Variants in SHROOM4 observed in about 807,000 individuals in gnomAD.
The protein encoded by SHROOM4 is shroom family member 4.
In SHROOM4, 17 loss-of-function variants were observed where a neutral mutation model predicts 80.3. The observed-to-expected ratio is 0.21, with a 90% CI of 0.14 to 0.32. SHROOM4 has a LOEUF of 0.32. Ranked by LOEUF, SHROOM4 falls within the 10% of genes least tolerant of loss-of-function variation. The pLI is 1.00. For missense variants in SHROOM4, 993 were observed against 1,140.3 expected (o/e 0.87, Z 1.86); for synonymous variants, 400 against 437.5 (o/e 0.91, Z 1.07).
Position 50,607,740 on chromosome X carries a change from C to CTGT in SHROOM4, c.3401_3402insACA (p.Glu1134_Glu1135insGln). 1 of 1,184,847 alleles carries CTGT rather than the reference C, an allele frequency of 8.4e-7. No individual in the cohort carries two copies. The highest frequency in any genetic ancestry group is 1.1e-6 in the Non-Finnish European group (1 of 881,660). On this transcript the variant is annotated inframe_insertion, in exon 6 of 9. Coordinates refer to ENST00000376020, the MANE Select transcript of SHROOM4 (RefSeq NM_020717.5). Reference sequence around the variant, plus strand: ...CTTCTTCTTCTTCTTCCTCCTCCTCCTCCTCCTCCTGTTGCTTCTGCTGCT... The same window carrying CTGT: ...CTTCTTCTTCTTCTTCCTCCTCCTCCTGTTCCTCCTCCTGTTGCTTCTGCTGCT...
intron 1 of SHROOM4, among the ~76,000 whole-genome samples, chrX:50,787,943 C>A (rs1935779537): frequency 9.0e-6 from 1 of 111,590 alleles, no homozygotes; most frequent in African/African-American, 3.2e-5. Context: ...AAAGGGAGTT[C>A]TTTGTGTTGA....
chrX:50,787,807 T>C (rs1384538043), intron 1 of SHROOM4, among the ~76,000 whole-genome samples: 2 of 105,507 alleles, frequency 1.9e-5, no homozygotes, highest in East Asian at 5.8e-4. Context: ...AAGAATACTA[T>C]ACCTGTCAAA....
At position 50,591,668 on chromosome X, in the gene SHROOM4, GTTTTCTTTCTTTCTTTCTTTCTTTC is replaced by G. The variant is rs782493379; in HGVS notation, c.*5002_*5026del. The G allele has an allele frequency of 1.0e-5, 3 of 293,325 alleles. No homozygotes were observed. The highest frequency in any genetic ancestry group is 9.0e-5 in the South Asian group (3 of 33,340). The allele number at this position is 293,325 out of a possible 1,213,427, so 24.2% of individuals were successfully genotyped here. ...TTTTGATGCTATTGTAAATGGAACT[GTTTTCTTTCTTTCTTTCTTTCTTTC>G]TTTTCTTTCTTTCTTTCTTTCTTTC... On this transcript the variant is annotated 3_prime_UTR_variant, in exon 9 of 9. Transcript: ENST00000376020.
At chrX:50,808,184 G>C (rs1936266769) in intron 1 of SHROOM4, among the ~76,000 whole-genome samples, 1 of 112,085 alleles carries the variant, frequency 8.9e-6, no homozygotes, top group Non-Finnish European at 1.9e-5. Flanking sequence ...GCTGTCCCAA[G>C]ACAGAGGAAG....
At chrX:50,630,006 C>T (rs1235010893) in intron 4 of SHROOM4, among the ~76,000 whole-genome samples, 6 of 110,828 alleles carry the variant, frequency 5.4e-5, no homozygotes, top group Non-Finnish European at 7.6e-5. Context: ...ATCCACGTGT[C>T]GGAATGCCTA....
At chrX:50,799,032 T>C (rs782632599) in intron 1 of SHROOM4, among the ~76,000 whole-genome samples, 13 of 112,266 alleles carry the variant, frequency 1.2e-4, no homozygotes, top group Non-Finnish European at 2.3e-4. Flanking sequence ...AGCAGCCATG[T>C]CCTTCCTATC....
At chrX:50,778,351 A>G (rs1935553951) in intron 1 of SHROOM4, among the ~76,000 whole-genome samples, 1 of 112,282 alleles carries the variant, frequency 8.9e-6, no homozygotes, top group South Asian at 3.7e-4. Context: ...CAAGTTATCT[A>G]TTGGTAAGTG....
rs1447029274 is a variant in SHROOM4, at chrX:50,595,426, C to T, written c.*1269G>A. On this transcript the variant is annotated 3_prime_UTR_variant, in exon 9 of 9. Coordinates refer to ENST00000376020, the MANE Select transcript of SHROOM4 (RefSeq NM_020717.5). ...TGAGAAAGCAATGGTTAGAGGAGTT[C>T]CTTCTGAGCTCACCTCTACTGATCC... The T allele has an allele frequency of 1.5e-5, 2 of 135,606 alleles. No individual in the cohort carries two copies. The highest frequency in any genetic ancestry group is 1.6e-4 in the Admixed American group (2 of 12,824). The allele number at this position is 135,606 out of a possible 1,213,427, so 11.2% of individuals were successfully genotyped here. A position where few individuals can be genotyped will look rare whatever the true frequency, so the allele number is the denominator to read the frequency against.
Position 50,700,052 on chromosome X carries a change from G to A in SHROOM4, c.118-4115C>T, listed in dbSNP as rs928773036. Among the ~76,000 whole-genome samples the A allele has an allele frequency of 4.5e-5, 5 of 111,759 alleles. No individual in the cohort carries two copies. The Admixed American group carries it at 4.8e-4, about 11-fold the overall frequency. The stretch of plus-strand genomic sequence containing the variant: ...ATTGTGAATACCTCTGCCTGCTACA[G>A]GAAATTTATTGGAAAAAATGGGCAT... On this transcript the variant is annotated intron_variant, in intron 1 of 8. Coordinates refer to ENST00000376020, the MANE Select transcript of SHROOM4 (RefSeq NM_020717.5).
chrX:50,617,592 TACTA>T lies in SHROOM4; in HGVS notation c.2958-9412_2958-9409del, dbSNP rs1930297693. 8.3e-5 allele frequency among the ~76,000 whole-genome samples: 9 copies of T among 108,766 alleles called. No individual in the cohort carries two copies. In the South Asian group the frequency reaches 3.4e-3, roughly 41 times the overall value. The allele number at this position is 108,766 out of a possible 115,157, so 94.5% of individuals were successfully genotyped here. A position where few individuals can be genotyped will look rare whatever the true frequency, so the allele number is the denominator to read the frequency against. ...TCTGGATATTCAAAGGTGTCTTAAG[TACTA>T]ACTATGTGTGTTAGCCTTAAAAAAA... is the stretch of plus-strand genomic sequence containing the variant. On this transcript the variant is annotated intron_variant, in intron 5 of 8. Coordinates refer to ENST00000376020, the MANE Select transcript of SHROOM4 (RefSeq NM_020717.5).
chrX:50,598,646 C>A, intron 7 of SHROOM4, 111 bp from the exon 8 acceptor site: 2 of 944,146 alleles, frequency 2.1e-6, no homozygotes, highest in Non-Finnish European at 2.9e-6. Context: ...TGGGCTCTAT[C>A]CTAGTCACTG....
downstream of SHROOM4, among the ~76,000 whole-genome samples, chrX:50,582,440 T>C (rs1928683524): frequency 8.9e-6 from 1 of 112,315 alleles, no homozygotes; most frequent in African/African-American, 3.2e-5. Context: ...CTTTGACTTG[T>C]ATTCAGCATT....
At chrX:50,756,303 T>C (rs527919192) in intron 1 of SHROOM4, among the ~76,000 whole-genome samples, 4 of 112,389 alleles carry the variant, frequency 3.6e-5, no homozygotes, top group East Asian at 2.8e-4. Context: ...TTCATTCATA[T>C]AGTAGCATAT....
rs781828818 is a variant in SHROOM4 at position 50,607,953 on chromosome X, G to A, written c.3189C>T (p.Ile1063=). ...LRSRAFSESH[I]SLAPQSTRAW... is the part of the protein sequence containing the mutation. The stretch of plus-strand genomic sequence containing the variant: ...CCCGGGTGCTTTGGGGCGCCAAGCT[G>A]ATGTGACTCTCTGAGAAGGCACGGC... Residue 1063 remains isoleucine, a synonymous_variant, in exon 6 of 9, where the codon ATC becomes ATT. Coordinates refer to ENST00000376020, the MANE Select transcript of SHROOM4 (RefSeq NM_020717.5). The A allele has an allele frequency of 8.3e-7, 1 of 1,210,233 alleles. No homozygotes were observed. The highest frequency in any genetic ancestry group is 1.7e-5 in the African/African-American group (1 of 57,185).
intron 5 of SHROOM4, among the ~76,000 whole-genome samples, chrX:50,618,346 TCCTTCC>T (rs1930381938): frequency 8.8e-5 from 1 of 11,421 alleles, no homozygotes; most frequent in Non-Finnish European, 1.6e-4. Flanking sequence ...CTTCCTTCCT[TCCTTCC>T]TTCCTTCCTT....
chrX:50,643,132 C>T (rs1353655191), intron 2 of SHROOM4, among the ~76,000 whole-genome samples: 1 of 112,000 alleles, frequency 8.9e-6, no homozygotes, highest in Non-Finnish European at 1.9e-5. Flanking sequence ...AAGGCAGTGA[C>T]CCCAGTGCTT....
intron 1 of SHROOM4, among the ~76,000 whole-genome samples, chrX:50,794,838 TC>T (rs1286376694): frequency 9.6e-6 from 1 of 104,434 alleles, no homozygotes; most frequent in African/African-American, 3.5e-5. Context: ...TAATGAAATT[TC>T]TTTTTAATAT....
chrX:50,613,826 G>C (rs937358107), intron 5 of SHROOM4, among the ~76,000 whole-genome samples: 1 of 111,977 alleles, frequency 8.9e-6, no homozygotes, highest in East Asian at 2.8e-4. Context: ...AATTAAAATC[G>C]TAAGAATTAT....
chrX:50,618,792 C>T (rs1252047779), intron 5 of SHROOM4, among the ~76,000 whole-genome samples: 1 of 111,928 alleles, frequency 8.9e-6, no homozygotes, highest in Non-Finnish European at 1.9e-5. Flanking sequence ...AGATGAGACT[C>T]CTGAGGCTTA....
Sources: gnomAD v4.1 joint callset for allele counts (sites outside exome capture counted in the v4.1 genomes callset) on GRCh38, gnomAD v4.1.1 for gene constraint, MANE v1.5 for transcripts, NCBI Gene and HGNC (gene_info 2026-07-23, HGNC 2026-07-21) for gene names.